Variants in MYO5B observed in about 807,000 individuals in gnomAD.
MYO5B encodes myosin VB, also known as unconventional myosin-Vb.
MYO5B carries 143 observed loss-of-function variants against 229.3 expected under a neutral mutation model. The observed-to-expected ratio is 0.62, with a 90% CI of 0.54 to 0.72. The LOEUF (loss-of-function observed/expected upper bound fraction) is 0.72. Among genes scored for constraint, MYO5B ranks in the 30% least tolerant of loss-of-function variants. The pLI is 0.00. For missense variants in MYO5B, 2,321 were observed against 2,331.0 expected, an observed-to-expected ratio of 1.00 and a Z score of 0.09; for synonymous variants, 918 against 885.2, an observed-to-expected ratio of 1.04 and a Z score of -0.66.
chr18:50,070,870 T>G lies in MYO5B; in HGVS notation c.28-15492A>C, dbSNP rs571914253. ...CACATTCACCTGTTTTGAGACAGGA[T>G]CTCATTCTGTCACCCAGGTGGGAGT... On this transcript the variant is annotated intron_variant, in intron 1 of 39. Transcript: ENST00000285039. Among the ~76,000 whole-genome samples, 23 of 151,090 alleles carry G rather than the reference T, an allele frequency of 1.5e-4. 1 individual carries two copies. The South Asian group carries it at 4.8e-3, about 32-fold the overall frequency.
intron 1 of MYO5B, among the ~76,000 whole-genome samples, chr18:50,059,835 T>C (rs933880081): frequency 2.0e-5 from 3 of 152,224 alleles, no homozygotes; most frequent in African/African-American, 7.2e-5. Flanking sequence ...CTTCCAAGGG[T>C]AATTTTAACC....
chr18:49,968,844 G>A (rs776827100), intron 10 of MYO5B, among the ~76,000 whole-genome samples: 1 of 152,160 alleles, frequency 6.6e-6, no homozygotes, highest in African/African-American at 2.4e-5. Flanking sequence ...AGAGGCCTGC[G>A]TTAGTGAGAC....
chr18:50,100,812 C>CT (rs1191822151), intron 1 of MYO5B, among the ~76,000 whole-genome samples: 1 of 152,232 alleles, frequency 6.6e-6, no homozygotes, highest in Non-Finnish European at 1.5e-5. Flanking sequence ...TCAATCAGAG[C>CT]ATGGCAAGAC....
At chr18:50,149,272 C>T (rs1456752714) in intron 1 of MYO5B, among the ~76,000 whole-genome samples, 3 of 149,860 alleles carry the variant, frequency 2.0e-5, no homozygotes, top group East Asian at 2.0e-4. Context: ...AGGTAATTTA[C>T]AGATTCAATG....
chr18:50,160,730 C>T (rs2032752486), intron 1 of MYO5B, among the ~76,000 whole-genome samples: 1 of 152,176 alleles, frequency 6.6e-6, no homozygotes, highest in African/African-American at 2.4e-5. Context: ...CCCACTCATC[C>T]TAGTTGTGAC....
At chr18:50,096,536 C>T (rs991672437) in intron 1 of MYO5B, among the ~76,000 whole-genome samples, 1 of 152,020 alleles carries the variant, frequency 6.6e-6, no homozygotes, top group Admixed American at 6.5e-5. Flanking sequence ...ACTGTGGCTC[C>T]CAGAGCCTCC....
At chr18:49,954,504 G>A (rs928961505) in intron 12 of MYO5B, 69 bp from the exon 13 acceptor site, 3 of 1,600,044 alleles carry the variant, frequency 1.9e-6, no homozygotes, top group Admixed American at 1.7e-5. Context: ...TTGCAGCAGA[G>A]GGATGGGACC....
chr18:49,965,180 G>T (rs2025608667), intron 10 of MYO5B, among the ~76,000 whole-genome samples: 1 of 152,160 alleles, frequency 6.6e-6, no homozygotes, highest in Non-Finnish European at 1.5e-5. Context: ...AAAGGTTCTG[G>T]GCATGAAGGA....
chr18:49,957,129 T>C (rs77165943), intron 12 of MYO5B, among the ~76,000 whole-genome samples: 460 of 21,482 alleles, frequency 0.021, 3 homozygotes, highest in African/African-American at 0.085. Flanking sequence ...TCCTTGCTAG[T>C]AAAATAAAGT....
At chr18:50,013,665 A>T (rs2026185668) in intron 4 of MYO5B, among the ~76,000 whole-genome samples, 1 of 152,198 alleles carries the variant, frequency 6.6e-6, no homozygotes, top group South Asian at 2.1e-4. Context: ...AAGAGTTTGC[A>T]ATAAAATAGT....
At position 49,839,210 on chromosome 18, in the gene MYO5B, C is replaced by T. The variant is rs2024026497; in HGVS notation, c.4786G>A (p.Asp1596Asn). 1.2e-6 allele frequency: 2 copies of T among 1,614,188 alleles called. No individual in the cohort carries two copies. The highest frequency in any genetic ancestry group is 1.7e-6 in the Non-Finnish European group (2 of 1,180,040). ...DLTEYRQVLS[D>N]LSIQIYQQLI... is the part of the protein sequence containing the mutation. ...TGCTGGTAGATCTGAATGGAAAGGT[C>T]ACTCAGCACCTGACGGTATTCGGTG... Residue 1596 changes from aspartate (D) to asparagine (N), a missense_variant, in exon 36 of 40, where the codon GAC becomes AAC. This residue lies in a region of MYO5B where 2,113 missense variants were observed against 2,044.7 expected (regional missense o/e 1.03). Coordinates refer to ENST00000285039, the MANE Select transcript of MYO5B (RefSeq NM_001080467.3).
At chr18:49,936,448 T>C in intron 15 of MYO5B, 99 bp from the exon 16 acceptor site, 1 of 866,274 alleles carries the variant, frequency 1.2e-6, no homozygotes, top group Non-Finnish European at 1.9e-6. Context: ...TTGTTACTAT[T>C]ATATTATTAA....
At chr18:49,906,807 C>G (rs1233923821) in intron 18 of MYO5B, among the ~76,000 whole-genome samples, 177 bp from the exon 19 acceptor site, 1 of 152,282 alleles carries the variant, frequency 6.6e-6, no homozygotes, top group South Asian at 2.1e-4. Context: ...CTACTACGGG[C>G]CAGACTCTAG....
chr18:50,074,837 T>C (rs577578495), intron 1 of MYO5B, among the ~76,000 whole-genome samples: 20 of 152,284 alleles, frequency 1.3e-4, no homozygotes, highest in Admixed American at 3.3e-4. Flanking sequence ...TTTGTTTGTT[T>C]TGAGATGGAG....
chr18:49,954,270 G>GA (rs777858372), intron 13 of MYO5B, 43 bp downstream of exon 13: 1 of 1,611,862 alleles, frequency 6.2e-7, no homozygotes, highest in East Asian at 2.2e-5. Flanking sequence ...TCTACTTAGA[G>GA]AGGGGCCAAG....
intron 1 of MYO5B, among the ~76,000 whole-genome samples, chr18:50,107,779 C>T (rs2031788935): frequency 6.6e-6 from 1 of 152,218 alleles, no homozygotes; most frequent in African/African-American, 2.4e-5. Context: ...ATTCACATAG[C>T]ATACATGTAC....
intron 5 of MYO5B, among the ~76,000 whole-genome samples, chr18:50,000,742 T>A (rs1391794684): frequency 1.3e-5 from 2 of 152,146 alleles, no homozygotes; most frequent in Non-Finnish European, 2.9e-5. Context: ...TAGGGAACTG[T>A]TTTCTGAGGA....
chr18:49,951,291 T>C (rs1007063426), intron 14 of MYO5B, among the ~76,000 whole-genome samples: 1 of 152,180 alleles, frequency 6.6e-6, no homozygotes, highest in Non-Finnish European at 1.5e-5. Context: ...GTTCTGTGAA[T>C]CTTCCTAGCA....
chr18:50,182,300 G>A (rs866061957), intron 1 of MYO5B, among the ~76,000 whole-genome samples: 1 of 152,306 alleles, frequency 6.6e-6, no homozygotes, highest in African/African-American at 2.4e-5. Context: ...CAGGACAGGT[G>A]GATATCCATA....
Sources: allele counts gnomAD v4.1 joint callset (sites outside exome capture counted in the v4.1 genomes callset), GRCh38; gene constraint gnomAD v4.1.1; regional missense constraint gnomAD v4.1.1; transcripts MANE v1.5; gene names NCBI Gene and HGNC (gene_info 2026-07-23, HGNC 2026-07-21).